DACH2: variants seen among roughly 807,000 people sequenced by gnomAD.
The protein encoded by DACH2 is dachshund family transcription factor 2.
DACH2 carries 17 observed loss-of-function variants against 35.8 expected under a neutral mutation model. The observed-to-expected ratio is 0.48, with a 90% CI of 0.33 to 0.71. The LOEUF is 0.71. Ranked by LOEUF, DACH2 falls within the 30% of genes least tolerant of loss-of-function variation. DACH2 has a pLI of 0.02. For synonymous variants in DACH2, 195 were observed against 177.3 expected (o/e 1.10, Z -0.79); for missense variants, 469 against 472.7 (o/e 0.99, Z 0.07).
chrX:86,345,013 G>A (rs1261214082), intron 1 of DACH2, among the ~76,000 whole-genome samples: 1 of 112,114 alleles, frequency 8.9e-6, no homozygotes, highest in Non-Finnish European at 1.9e-5. Context: ...AGTCTTACTT[G>A]AATGAGCAGT....
intron 7 of DACH2, among the ~76,000 whole-genome samples, chrX:86,750,615 G>A (rs2041763167): frequency 9.0e-6 from 1 of 110,663 alleles, no homozygotes; most frequent in South Asian, 3.8e-4. Flanking sequence ...TACAGCTCCT[G>A]GCGACGACTA....
At chrX:86,659,269 A>G (rs1015813557) in intron 4 of DACH2, among the ~76,000 whole-genome samples, 2 of 111,101 alleles carry the variant, frequency 1.8e-5, no homozygotes, top group African/African-American at 6.5e-5. Context: ...GTAAGCCAGA[A>G]GGAACTATTG....
intron 2 of DACH2, among the ~76,000 whole-genome samples, chrX:86,430,496 G>A (rs1225247906): frequency 1.8e-5 from 2 of 112,311 alleles, no homozygotes; most frequent in Non-Finnish European, 3.8e-5. Flanking sequence ...ATGTGTTACC[G>A]ACATGGTATG....
chrX:86,335,067 G>T (rs1271940795), intron 1 of DACH2, among the ~76,000 whole-genome samples: 1 of 111,499 alleles, frequency 9.0e-6, no homozygotes, highest in Non-Finnish European at 1.9e-5. Flanking sequence ...TCAGATGGTT[G>T]TAGATGTGGG....
At chrX:86,197,107 C>A (rs1360745746) in intron 1 of DACH2, among the ~76,000 whole-genome samples, 2 of 111,857 alleles carry the variant, frequency 1.8e-5, no homozygotes, top group Non-Finnish European at 3.8e-5. Context: ...TGCCAATATT[C>A]AACATTCTTA....
chrX:86,334,532 G>A (rs2035268899), intron 1 of DACH2, among the ~76,000 whole-genome samples: 1 of 112,152 alleles, frequency 8.9e-6, no homozygotes, highest in Non-Finnish European at 1.9e-5. Flanking sequence ...TTTTTCATAT[G>A]TTTGCTGACT....
intron 3 of DACH2, among the ~76,000 whole-genome samples, chrX:86,599,753 C>T (rs1168288671): frequency 9.1e-6 from 1 of 110,459 alleles, no homozygotes; most frequent in African/African-American, 3.3e-5. Context: ...GCCTCAGCCT[C>T]CTAAAGTGCT....
intron 2 of DACH2, among the ~76,000 whole-genome samples, chrX:86,414,081 T>C (rs894176645): frequency 5.4e-5 from 6 of 111,352 alleles, no homozygotes; most frequent in African/African-American, 2.0e-4. Context: ...AGTAAGGTAG[T>C]GGGATTCTTC....
Position 86,621,324 on chromosome X carries a change from C to A in DACH2, c.641-29712C>A, listed in dbSNP as rs186670542. Among the ~76,000 whole-genome samples the A allele has an allele frequency of 2.5e-4, 28 of 111,201 alleles. 1 individual carries two copies. The East Asian group carries it at 7.4e-3, about 29-fold the overall frequency. On this transcript the variant is annotated intron_variant, in intron 3 of 11. Coordinates refer to ENST00000373125, the MANE Select transcript of DACH2 (RefSeq NM_053281.3). ...ATCATTGAAGAAATAAGACACAATACCCTAAACTTTCACAGTGGTAATTTG... is the reference window on the plus strand; with the variant it reads ...ATCATTGAAGAAATAAGACACAATAACCTAAACTTTCACAGTGGTAATTTG...
rs767589757 is a variant in DACH2, at chrX:86,464,066, TTGG to T, written c.528-50209_528-50207del. Among the ~76,000 whole-genome samples the T allele has an allele frequency of 2.8e-4, 31 of 111,418 alleles. 1 individual carries two copies. The highest frequency in any genetic ancestry group is 4.6e-3 in the Middle Eastern group (1 of 217). On this transcript the variant is annotated intron_variant, in intron 2 of 11. Coordinates refer to ENST00000373125, the MANE Select transcript of DACH2 (RefSeq NM_053281.3). ...GAGAAATGGGAATGCTTTTACACTGTTGGTGGGAGTGTAAATTAGTTCAACCAT... is the reference window on the plus strand; with the variant it reads ...GAGAAATGGGAATGCTTTTACACTGTTGGGAGTGTAAATTAGTTCAACCAT...
intron 2 of DACH2, among the ~76,000 whole-genome samples, chrX:86,425,069 G>T (rs2036869357): frequency 9.0e-6 from 1 of 110,673 alleles, no homozygotes; most frequent in African/African-American, 3.3e-5. Context: ...TGCTTAATTT[G>T]ATTTGCTAGC....
intron 3 of DACH2, among the ~76,000 whole-genome samples, chrX:86,564,782 A>G (rs1012706367): frequency 1.8e-5 from 2 of 111,532 alleles, no homozygotes; most frequent in African/African-American, 6.5e-5. Context: ...TGTTCCACCT[A>G]CTTCTAGAAA....
At chrX:86,773,017 C>T (rs1328566139) in intron 7 of DACH2, among the ~76,000 whole-genome samples, 1 of 111,764 alleles carries the variant, frequency 8.9e-6, no homozygotes, top group Non-Finnish European at 1.9e-5. Context: ...TTGCCAAGGG[C>T]TTAAAATCTG....
rs1370715056 is a variant in DACH2, at chrX:86,739,008, G to A, written c.1105-739G>A. Among the ~76,000 whole-genome samples the A allele has an allele frequency of 2.7e-5, 3 of 110,974 alleles. No individual in the cohort carries two copies. In the East Asian group the frequency reaches 8.5e-4, roughly 32 times the overall value. On this transcript the variant is annotated intron_variant, in intron 6 of 11. Coordinates refer to ENST00000373125, the MANE Select transcript of DACH2 (RefSeq NM_053281.3). ...CTACATCAGCCTCCCCAATAGCTGG[G>A]ATTACAGGTGCCTGCCACCATGCCT...
At chrX:86,282,639 T>C (rs1050249295) in intron 1 of DACH2, among the ~76,000 whole-genome samples, 2 of 110,914 alleles carry the variant, frequency 1.8e-5, no homozygotes, top group Admixed American at 1.9e-4. Context: ...ACCTACAGAA[T>C]GGGAGAAAAA....
At chrX:86,419,301 G>A (rs956581491) in intron 2 of DACH2, among the ~76,000 whole-genome samples, 2 of 111,740 alleles carry the variant, frequency 1.8e-5, no homozygotes, top group African/African-American at 6.5e-5. Flanking sequence ...TCATGCTGCC[G>A]TTAAAGACAT....
At chrX:86,625,209 AGTGTGTGTGTGTGTGTGTGT>A (rs72281959) in intron 3 of DACH2, among the ~76,000 whole-genome samples, 932 of 85,458 alleles carry the variant, frequency 0.011, 12 homozygotes, top group African/African-American at 0.035. Flanking sequence ...AAACCTTCTT[AGTGTGTGTGTGTGTGTGTGT>A]GTGTGTGTGT....
chrX:86,631,468 A>T (rs2040200185), intron 3 of DACH2, among the ~76,000 whole-genome samples: 1 of 112,389 alleles, frequency 8.9e-6, no homozygotes, highest in Non-Finnish European at 1.9e-5. Context: ...CTTTGATTGC[A>T]ATAACAAGCA....
At chrX:86,784,320 T>C (rs1271070153) in intron 7 of DACH2, among the ~76,000 whole-genome samples, 2 of 109,799 alleles carry the variant, frequency 1.8e-5, no homozygotes, top group Non-Finnish European at 3.8e-5. Context: ...GCAAAGGACC[T>C]GAACAGACGT....
Sources: gnomAD v4.1 joint callset for allele counts (sites outside exome capture counted in the v4.1 genomes callset) on GRCh38, gnomAD v4.1.1 for gene constraint, MANE v1.5 for transcripts, NCBI Gene and HGNC (gene_info 2026-07-23, HGNC 2026-07-21) for gene names.